TTLL11: variants seen among roughly 807,000 people sequenced by gnomAD.
TTLL11 encodes tubulin polyglutamylase TTLL11.
A neutral mutation model predicts 51.7 loss-of-function variants in TTLL11; 42 were observed. That is an observed-to-expected ratio of 0.81 (90% CI 0.64 to 1.05). The LOEUF is 1.05. TTLL11 is among the 50% of genes least tolerant of loss of function. TTLL11 has a pLI of 0.00. For synonymous variants in TTLL11, 381 were observed against 383.5 expected (o/e 0.99, Z 0.08); for missense variants, 799 against 940.4 (o/e 0.85, Z 1.97).
chr9:121,983,415 G>A (rs1842868019), intron 4 of TTLL11, among the ~76,000 whole-genome samples: 1 of 152,188 alleles, frequency 6.6e-6, no homozygotes, highest in Non-Finnish European at 1.5e-5. Flanking sequence ...ACAGCTATAG[G>A]CGCCAGTAGC....
At chr9:121,913,960 A>G (rs1441328211) in intron 6 of TTLL11, among the ~76,000 whole-genome samples, 1 of 152,166 alleles carries the variant, frequency 6.6e-6, no homozygotes, top group African/African-American at 2.4e-5. Context: ...GATGCCCTTT[A>G]TCACTATCTC....
At chr9:122,064,943 T>C (rs1464369874) in intron 1 of TTLL11, among the ~76,000 whole-genome samples, 4 of 152,114 alleles carry the variant, frequency 2.6e-5, no homozygotes, top group Non-Finnish European at 4.4e-5. Context: ...ACTCCAAAAT[T>C]CATGTTCCCT....
rs545470903 is a variant in TTLL11 at position 121,892,588 on chromosome 9, A to G, written c.1482-21840T>C. Among the ~76,000 whole-genome samples the G allele has an allele frequency of 5.1e-4, 77 of 152,270 alleles. No homozygotes were observed. The Middle Eastern group carries it at 0.01, about 20-fold the overall frequency. On this transcript the variant is annotated intron_variant, in intron 6 of 8. Coordinates refer to ENST00000321582, the MANE Select transcript of TTLL11 (RefSeq NM_001139442.2). ...ACACGTGGGAATTATGGGAGCTACAATTCAAGATGAGATTTGGGTGGGGAC... is the reference window on the plus strand; with the variant it reads ...ACACGTGGGAATTATGGGAGCTACAGTTCAAGATGAGATTTGGGTGGGGAC...
chr9:121,925,202 T>C (rs1029528136), intron 6 of TTLL11, among the ~76,000 whole-genome samples: 1 of 152,182 alleles, frequency 6.6e-6, no homozygotes, highest in Non-Finnish European at 1.5e-5. Context: ...CTGGAGAACC[T>C]GACAAACAGG....
chr9:121,911,792 A>T (rs10818611), intron 6 of TTLL11, among the ~76,000 whole-genome samples: 1 of 151,930 alleles, frequency 6.6e-6, no homozygotes, highest in Non-Finnish European at 1.5e-5. Flanking sequence ...GGGGTGGGGA[A>T]CTAGGGGAGG....
At chr9:121,961,100 A>G (rs1479700790) in intron 6 of TTLL11, among the ~76,000 whole-genome samples, 2 of 152,234 alleles carry the variant, frequency 1.3e-5, no homozygotes, top group East Asian at 3.8e-4. Flanking sequence ...ACTGGCTTTC[A>G]TTTTGATCTT....
At chr9:122,011,948 G>A (rs994595420) in intron 3 of TTLL11, among the ~76,000 whole-genome samples, 2 of 152,140 alleles carry the variant, frequency 1.3e-5, no homozygotes, top group African/African-American at 4.8e-5. Context: ...AGAAGAGGGT[G>A]CATGTTTGCG....
At chr9:122,017,627 T>C (rs1167219056) in intron 3 of TTLL11, among the ~76,000 whole-genome samples, 1 of 152,062 alleles carries the variant, frequency 6.6e-6, no homozygotes, top group Non-Finnish European at 1.5e-5. Context: ...CATGCCCAGC[T>C]AATTTTTGTA....
chr9:121,961,360 T>C (rs1023766902), intron 6 of TTLL11, among the ~76,000 whole-genome samples: 2 of 152,198 alleles, frequency 1.3e-5, no homozygotes, highest in Non-Finnish European at 2.9e-5. Context: ...TCTCTCCAAA[T>C]TAAGAACTTC....
At chr9:121,909,935 T>G (rs1840057781) in intron 6 of TTLL11, among the ~76,000 whole-genome samples, 1 of 151,688 alleles carries the variant, frequency 6.6e-6, no homozygotes, top group East Asian at 1.9e-4. Flanking sequence ...TAGAAGGGAG[T>G]GTGGAAGGAA....
At chr9:121,899,378 C>CATAT (rs747040027) in intron 6 of TTLL11, among the ~76,000 whole-genome samples, 7,914 of 130,092 alleles carry the variant, frequency 0.061, 745 homozygotes, top group East Asian at 0.22. Flanking sequence ...TATATATATA[C>CATAT]ATATATATAT....
intron 3 of TTLL11, among the ~76,000 whole-genome samples, chr9:122,014,093 C>T (rs1417799975): frequency 3.9e-5 from 6 of 152,044 alleles, no homozygotes; most frequent in Admixed American, 1.3e-4. Context: ...TGGTCAGGCA[C>T]GTGGCTCACA....
At chr9:122,074,685 T>C (rs1321765587) in intron 1 of TTLL11, among the ~76,000 whole-genome samples, 1 of 150,808 alleles carries the variant, frequency 6.6e-6, no homozygotes, top group Non-Finnish European at 1.5e-5. Flanking sequence ...GAGGATTGCT[T>C]GAGACCAGGA....
rs1446833148 is a variant in TTLL11, at chr9:121,820,810, T to G, written c.*1777A>C. 6.6e-6 allele frequency among the ~76,000 whole-genome samples: 1 copy of G among 151,322 alleles called. No individual in the cohort carries two copies. Among genetic ancestry groups the G allele is most frequent in the African/African-American group, 2.4e-5 (1 of 41,160 alleles). ...CTTCCCACCTGTCCTGCCTTCTGCT[T>G]GGGAAAATAAAGTGATTGCAGAAGT... On this transcript the variant is annotated 3_prime_UTR_variant, in exon 9 of 9. Transcript: ENST00000321582.
rs376633135 is a variant in TTLL11 at position 121,935,072 on chromosome 9, G to A, written c.1481+38937C>T. 1.1e-3 allele frequency among the ~76,000 whole-genome samples: 168 copies of A among 151,790 alleles called. 1 individual carries two copies. Among genetic ancestry groups the A allele is most frequent in the African/African-American group, 3.8e-3 (159 of 41,388 alleles). On this transcript the variant is annotated intron_variant, in intron 6 of 8. Coordinates refer to ENST00000321582, the MANE Select transcript of TTLL11 (RefSeq NM_001139442.2). ...TGGGTTCAAGTGATTCTTCTGCCTCGGCCTCCTGAGTAGCTGGGATTACAG... is the reference window on the plus strand; with the variant it reads ...TGGGTTCAAGTGATTCTTCTGCCTCAGCCTCCTGAGTAGCTGGGATTACAG...
At chr9:122,038,589 C>T (rs538514688) in intron 2 of TTLL11, among the ~76,000 whole-genome samples, 5 of 152,306 alleles carry the variant, frequency 3.3e-5, no homozygotes, top group African/African-American at 7.2e-5. Context: ...GCAGAGGTTG[C>T]AGTGAGCCAA....
At chr9:122,008,369 C>T (rs1488179163) in intron 3 of TTLL11, among the ~76,000 whole-genome samples, 1 of 152,152 alleles carries the variant, frequency 6.6e-6, no homozygotes, top group Non-Finnish European at 1.5e-5. Flanking sequence ...ATAAGGTACT[C>T]AGCTCAGTAG....
intron 1 of TTLL11, among the ~76,000 whole-genome samples, chr9:122,082,652 A>C (rs546027411): frequency 8.5e-5 from 13 of 152,338 alleles, no homozygotes; most frequent in South Asian, 2.1e-4. Flanking sequence ...GAATCTATAT[A>C]TATTAACAGA....
At chr9:121,962,898 A>G (rs1250871257) in intron 6 of TTLL11, among the ~76,000 whole-genome samples, 1 of 152,214 alleles carries the variant, frequency 6.6e-6, no homozygotes, top group Non-Finnish European at 1.5e-5. Flanking sequence ...CCCTGCCCCA[A>G]AGTTTACAGA....
Sources: gnomAD v4.1 joint callset for allele counts (sites outside exome capture counted in the v4.1 genomes callset) on GRCh38, gnomAD v4.1.1 for gene constraint, MANE v1.5 for transcripts, NCBI Gene and HGNC (gene_info 2026-07-23, HGNC 2026-07-21) for gene names.